Variants in LCLAT1 observed in about 807,000 individuals in gnomAD.
LCLAT1 encodes the protein lysocardiolipin acyltransferase 1.
A neutral mutation model predicts 30.7 loss-of-function variants in LCLAT1; 11 were observed. That is an observed-to-expected ratio of 0.36 (90% CI 0.23 to 0.59). LCLAT1 has a LOEUF of 0.59. Ranked by LOEUF, LCLAT1 falls within the 20% of genes least tolerant of loss-of-function variation. LCLAT1 has a pLI of 0.77. For synonymous variants in LCLAT1, 155 were observed against 151.3 expected, an observed-to-expected ratio of 1.02 and a Z score of -0.18; for missense variants, 402 against 458.6, an observed-to-expected ratio of 0.88 and a Z score of 1.13.
Position 30,641,754 on chromosome 2 carries a change from C to T in LCLAT1, c.*1135C>T, listed in dbSNP as rs979797725. On this transcript the variant is annotated 3_prime_UTR_variant, in exon 6 of 6. Transcript: ENST00000379509. ...TCCTTTTTCAATAGTAATATTTAAA[C>T]CCACTTTTGACCAATTGTTTGCCCA... The T allele has an allele frequency of 1.1e-4, 16 of 152,164 alleles. No individual in the cohort carries two copies. The highest frequency in any genetic ancestry group is 3.1e-4 in the African/African-American group (13 of 41,450). The allele number at this position is 152,164 out of a possible 1,614,324, so 9.4% of individuals were successfully genotyped here.
chr2:30,523,454 C>T lies in LCLAT1; in HGVS notation c.-4-2133C>T, dbSNP rs143377346. On this transcript the variant is annotated intron_variant, in intron 1 of 5. Coordinates refer to ENST00000379509, the MANE Select transcript of LCLAT1 (RefSeq NM_001002257.3). Reference sequence around the variant, plus strand: ...GCCTTTTTCTCTACCATTATTACTCCGTTACCCCACTTCTTTAAAGTTTAG... The same window carrying T: ...GCCTTTTTCTCTACCATTATTACTCTGTTACCCCACTTCTTTAAAGTTTAG... Among the ~76,000 whole-genome samples the T allele has an allele frequency of 2.8e-3, 432 of 152,248 alleles. 4 individuals are homozygous for T. Among genetic ancestry groups the T allele is most frequent in the Non-Finnish European group, 4.4e-3 (297 of 68,010 alleles).
intron 5 of LCLAT1, among the ~76,000 whole-genome samples, chr2:30,582,024 A>G (rs1009207305): frequency 1.3e-5 from 2 of 152,222 alleles, no homozygotes; most frequent in East Asian, 1.9e-4. Context: ...AATAGGTACA[A>G]TTATTTGTCA....
intron 3 of LCLAT1, among the ~76,000 whole-genome samples, chr2:30,548,552 G>T (rs549037140): frequency 6.6e-6 from 1 of 152,274 alleles, no homozygotes; most frequent in Admixed American, 6.5e-5. Flanking sequence ...GCGGAGACCA[G>T]GTTTTTTTGT....
intron 5 of LCLAT1, among the ~76,000 whole-genome samples, chr2:30,591,822 A>C (rs991783707): frequency 6.6e-6 from 1 of 152,224 alleles, no homozygotes. Context: ...CCAGAGCTGA[A>C]TACCTATACA....
chr2:30,564,608 A>T (rs1276755023), intron 4 of LCLAT1, among the ~76,000 whole-genome samples: 2 of 149,190 alleles, frequency 1.3e-5, no homozygotes, highest in Non-Finnish European at 2.9e-5. Flanking sequence ...ACTGATCCTG[A>T]AGTTTTAAAC....
intron 3 of LCLAT1, among the ~76,000 whole-genome samples, chr2:30,557,563 C>T (rs1664985097): frequency 6.6e-6 from 1 of 151,956 alleles, no homozygotes; most frequent in Admixed American, 6.6e-5. Flanking sequence ...TACAGGCATG[C>T]ACCACCATGC....
chr2:30,464,213 T>C (rs1327921311), intron 1 of LCLAT1, among the ~76,000 whole-genome samples: 2 of 152,174 alleles, frequency 1.3e-5, no homozygotes, highest in Non-Finnish European at 2.9e-5. Context: ...TTTTTTAGTG[T>C]TCATTTTTGT....
At chr2:30,613,648 C>G (rs1400120914) in intron 5 of LCLAT1, among the ~76,000 whole-genome samples, 1 of 130,440 alleles carries the variant, frequency 7.7e-6, no homozygotes, top group Non-Finnish European at 1.6e-5. Flanking sequence ...AGTATTTATT[C>G]ATCATCTGTG....
intron 3 of LCLAT1, among the ~76,000 whole-genome samples, chr2:30,560,283 G>GGTGT (rs57326977): frequency 0.12 from 17,680 of 144,446 alleles, 1,126 homozygotes; most frequent in South Asian, 0.2. Context: ...AATAAAGTGT[G>GGTGT]GTGTGTGTGT....
chr2:30,559,984 C>T (rs1665115581), intron 3 of LCLAT1, among the ~76,000 whole-genome samples: 1 of 152,104 alleles, frequency 6.6e-6, no homozygotes, highest in Non-Finnish European at 1.5e-5. Context: ...GCATTGTGCT[C>T]ATTTTATATT....
intron 1 of LCLAT1, among the ~76,000 whole-genome samples, chr2:30,454,898 T>C (rs1681750024): frequency 1.3e-5 from 2 of 152,052 alleles, no homozygotes; most frequent in Non-Finnish European, 2.9e-5. Flanking sequence ...AGTGCCAGAG[T>C]GACCTTATTT....
intron 1 of LCLAT1, among the ~76,000 whole-genome samples, chr2:30,449,383 C>G (rs187563103): frequency 6.6e-6 from 1 of 152,048 alleles, no homozygotes; most frequent in Admixed American, 6.5e-5. Flanking sequence ...ATTCCATTGG[C>G]GTCCAATAGT....
At chr2:30,474,932 A>G (rs983522435) in intron 1 of LCLAT1, among the ~76,000 whole-genome samples, 1 of 151,952 alleles carries the variant, frequency 6.6e-6, no homozygotes, top group African/African-American at 2.4e-5. Flanking sequence ...GATTACAGGC[A>G]TGAGCCACCA....
At position 30,470,381 on chromosome 2, in the gene LCLAT1, A is replaced by C. The variant is rs540384338; in HGVS notation, c.-5+22998A>C. ...CTATGCTTAAGTCTTAGCAGAATTC[A>C]GGCTCCTACTGTAATTCTGACCTTG... is the stretch of plus-strand genomic sequence containing the variant. On this transcript the variant is annotated intron_variant, in intron 1 of 5. Transcript: ENST00000379509. Among the ~76,000 whole-genome samples the C allele has an allele frequency of 7.2e-5, 11 of 152,342 alleles. No individual in the cohort carries two copies. In the South Asian group the frequency reaches 2.3e-3, roughly 32 times the overall value.
At chr2:30,545,744 ATTAAAC>A (rs1377584182) in intron 3 of LCLAT1, among the ~76,000 whole-genome samples, 2 of 152,188 alleles carry the variant, frequency 1.3e-5, no homozygotes, top group African/African-American at 4.8e-5. Flanking sequence ...GAAATGAAAT[ATTAAAC>A]TTAAAACAGT....
At chr2:30,475,515 G>A (rs749587954) in intron 1 of LCLAT1, among the ~76,000 whole-genome samples, 9 of 152,270 alleles carry the variant, frequency 5.9e-5, no homozygotes, top group Non-Finnish European at 1.3e-4. Context: ...CTGGATTACT[G>A]ACCTATACAA....
chr2:30,600,550 C>G (rs1667134645), intron 5 of LCLAT1, among the ~76,000 whole-genome samples: 1 of 151,936 alleles, frequency 6.6e-6, no homozygotes, highest in Non-Finnish European at 1.5e-5. Context: ...ATATGAAAAA[C>G]AAACACTTCA....
intron 3 of LCLAT1, among the ~76,000 whole-genome samples, chr2:30,551,676 G>A (rs1225760307): frequency 6.6e-6 from 1 of 152,148 alleles, no homozygotes; most frequent in East Asian, 1.9e-4. Context: ...GATTGCTACG[G>A]GATCTGTTTC....
intron 5 of LCLAT1, among the ~76,000 whole-genome samples, chr2:30,587,958 A>C (rs1210042121): frequency 6.6e-6 from 1 of 152,232 alleles, no homozygotes; most frequent in East Asian, 1.9e-4. Context: ...AAAAAGTCCT[A>C]TCTGGAAGCC....
Sources: gnomAD v4.1 joint callset for allele counts (sites outside exome capture counted in the v4.1 genomes callset) on GRCh38, gnomAD v4.1.1 for gene constraint, MANE v1.5 for transcripts, NCBI Gene and HGNC (gene_info 2026-07-23, HGNC 2026-07-21) for gene names.